SRSF7: variants seen among roughly 807,000 people sequenced by gnomAD.
SRSF7 encodes the protein serine/arginine-rich splicing factor 7.
A neutral mutation model predicts 42.2 loss-of-function variants in SRSF7; 15 were observed. The observed-to-expected ratio is 0.36, with a 90% CI of 0.24 to 0.55. The LOEUF (loss-of-function observed/expected upper bound fraction) is 0.55. SRSF7 is among the 20% of genes least tolerant of loss of function. SRSF7 has a pLI of 0.88. For missense variants in SRSF7, 181 were observed against 305.9 expected, an observed-to-expected ratio of 0.59 and a Z score of 3.04; for synonymous variants, 138 against 107.9, an observed-to-expected ratio of 1.28 and a Z score of -1.73.
chr2:38,746,861 T>C, intron 5 of SRSF7, 114 bp from the exon 6 acceptor site: 5 of 1,513,846 alleles, frequency 3.3e-6, no homozygotes, highest in East Asian at 2.3e-5. Context: ...CTAAACAAGA[T>C]GCAACACTTG....
chr2:38,748,020 C>T, intron 5 of SRSF7, 27 bp downstream of exon 5: 1 of 1,541,784 alleles, frequency 6.5e-7, no homozygotes, highest in Non-Finnish European at 9.0e-7. Context: ...AATCCAAACA[C>T]AAGTAAGGAA....
rs754818140 is a variant in SRSF7, at chr2:38,748,170, A to AC, written c.462-14dup. The AC allele has an allele frequency of 5.0e-6, 8 of 1,591,516 alleles. No homozygotes were observed. Among genetic ancestry groups the AC allele is most frequent in the Admixed American group, 1.8e-5 (1 of 56,854 alleles). The stretch of plus-strand genomic sequence containing the variant: ...TGCTGACCTTGACCTAAAATAAAGA[A>AC]CTTTAAGTCCATCTCCACAGTTTTT... On this transcript the variant is annotated splice_polypyrimidine_tract_variant and intron_variant, in intron 4 of 7. Transcript: ENST00000313117.
Position 38,751,340 on chromosome 2 carries a change from C to A in SRSF7, c.-84G>T. 10 of 1,593,438 alleles carry A rather than the reference C, an allele frequency of 6.3e-6. No individual in the cohort carries two copies. The highest frequency in any genetic ancestry group is 6.9e-6 in the Non-Finnish European group (8 of 1,163,802). The stretch of plus-strand genomic sequence containing the variant: ...AAAAGCTGACACACACCTTCACCCG[C>A]CAAGAGTCCCGGCGGCACTACGAGG... On this transcript the variant is annotated 5_prime_UTR_variant, in exon 1 of 8. Transcript: ENST00000313117.
intron 3 of SRSF7, 147 bp from the exon 4 acceptor site, chr2:38,748,800 A>G: frequency 1.0e-6 from 1 of 999,856 alleles, no homozygotes; most frequent in Non-Finnish European, 1.4e-6. Flanking sequence ...GTTGTTGAGT[A>G]TTTTTTTTTT....
At chr2:38,748,213 A>C in intron 4 of SRSF7, 56 bp from the exon 5 acceptor site, 1 of 1,362,246 alleles carries the variant, frequency 7.3e-7, no homozygotes, top group Non-Finnish European at 1.0e-6. Flanking sequence ...TTGGCCTGTT[A>C]AGACTTCAAC....
chr2:38,747,430 T>C (rs1299587558), intron 5 of SRSF7, among the ~76,000 whole-genome samples: 1 of 152,272 alleles, frequency 6.6e-6, no homozygotes, highest in Non-Finnish European at 1.5e-5. Context: ...CACGGTTTTA[T>C]CGTTGGTACA....
chr2:38,745,007 G>T lies in SRSF7; in HGVS notation c.*126C>A. The T allele has an allele frequency of 1.1e-6, 1 of 901,916 alleles. No individual in the cohort carries two copies. Among genetic ancestry groups the T allele is most frequent in the Non-Finnish European group, 1.7e-6 (1 of 588,974 alleles). The allele number at this position is 901,916 out of a possible 1,614,324, so 55.9% of individuals were successfully genotyped here. A position where few individuals can be genotyped will look rare whatever the true frequency, so the allele number is the denominator to read the frequency against. On this transcript the variant is annotated 3_prime_UTR_variant, in exon 8 of 8. Transcript: ENST00000313117. The stretch of plus-strand genomic sequence containing the variant: ...TATCTTACTGCTGTGAATTTACATA[G>T]TAATCCAGATCCATTTTGATTAGAT...
chr2:38,749,899 CTA>C, intron 2 of SRSF7, 113 bp downstream of exon 2: 1 of 1,314,150 alleles, frequency 7.6e-7, no homozygotes, highest in Non-Finnish European at 1.0e-6. Context: ...GCATTTAACA[CTA>C]TGACCAGCTA....
At chr2:38,746,858 A>T in intron 5 of SRSF7, 111 bp from the exon 6 acceptor site, 1 of 1,528,434 alleles carries the variant, frequency 6.5e-7, no homozygotes, top group Non-Finnish European at 8.8e-7. Flanking sequence ...AAACTAAACA[A>T]GATGCAACAC....
At position 38,750,035 on chromosome 2, in the gene SRSF7, G is replaced by C; in HGVS notation, c.188C>G (p.Ala63Gly). The change falls in exon 2 of 8, where the codon GCA (alanine) becomes GGA (glycine). Residue 63 changes from alanine (A) to glycine (G), a missense_variant. Transcript: ENST00000313117. Reference protein sequence around the residue: ...EFEDPRDAEDAVRGLDGKVIC... With the variant: ...EFEDPRDAEDGVRGLDGKVIC... ...TTACTTTCCATCCAGTCCTCGTACTGCATCTTCTGCATCTCTAGGATCTTC... is the reference window on the plus strand; with the variant it reads ...TTACTTTCCATCCAGTCCTCGTACTCCATCTTCTGCATCTCTAGGATCTTC... 6.2e-7 allele frequency: 1 copy of C among 1,612,468 alleles called. No individual in the cohort carries two copies. The highest frequency in any genetic ancestry group is 8.5e-7 in the Non-Finnish European group (1 of 1,179,496).
intron 7 of SRSF7, among the ~76,000 whole-genome samples, chr2:38,745,520 C>T (rs111491148): frequency 0.014 from 2,071 of 151,960 alleles, 41 homozygotes; most frequent in African/African-American, 0.047. Flanking sequence ...CCAGGCTTGG[C>T]GGTGGGTGCC....
At position 38,745,459 on chromosome 2, in the gene SRSF7, A is replaced by C. The variant is rs567621353; in HGVS notation, c.663-272T>G. Among the ~76,000 whole-genome samples, 342 of 150,584 alleles carry C rather than the reference A, an allele frequency of 2.3e-3. 1 individual carries two copies. The highest frequency in any genetic ancestry group is 4.2e-3 in the Non-Finnish European group (284 of 67,056). On this transcript the variant is annotated intron_variant, in intron 7 of 7. Coordinates refer to ENST00000313117, the MANE Select transcript of SRSF7 (RefSeq NM_001031684.3). The stretch of plus-strand genomic sequence containing the variant: ...ACCTAAGATCAGGAGTTTAAGACCA[A>C]CCTCGCCAACATGGTGAAACTCCGT...
In SRSF7 at chr2:38,744,680, G is replaced by A; in HGVS notation, c.*453C>T. ...TTCAGGCTGTATCATAAGGGACTCA[G>A]GTCATCTTACCCAGAGCTACAAGGG... is the stretch of plus-strand genomic sequence containing the variant. On this transcript the variant is annotated 3_prime_UTR_variant, in exon 8 of 8. Transcript: ENST00000313117. 6.1e-6 allele frequency: 1 copy of A among 163,142 alleles called. No homozygotes were observed. Among genetic ancestry groups the A allele is most frequent in the East Asian group, 1.7e-4 (1 of 5,790 alleles). The allele number at this position is 163,142 out of a possible 1,614,324, so 10.1% of individuals were successfully genotyped here. A position where few individuals can be genotyped will look rare whatever the true frequency, so the allele number is the denominator to read the frequency against.
intron 6 of SRSF7, 29 bp from the exon 7 acceptor site, chr2:38,746,208 G>T (rs199741275): frequency 6.2e-7 from 1 of 1,613,114 alleles, no homozygotes; most frequent in Non-Finnish European, 8.5e-7. Context: ...TTCTATTAAA[G>T]AAAGAGTACT....
At chr2:38,747,857 A>T (rs1427193257) in intron 5 of SRSF7, among the ~76,000 whole-genome samples, 190 bp downstream of exon 5, 1 of 152,218 alleles carries the variant, frequency 6.6e-6, no homozygotes, top group African/African-American at 2.4e-5. Flanking sequence ...ACAAGCCTTA[A>T]AATCTCTAGT....
intron 2 of SRSF7, 72 bp from the exon 3 acceptor site, chr2:38,749,777 T>A: frequency 1.4e-6 from 2 of 1,424,980 alleles, no homozygotes; most frequent in Non-Finnish European, 1.8e-6. Flanking sequence ...AAAAGAACTC[T>A]TTCCAACCAC....
chr2:38,751,451 G>A (rs1668355894), upstream of SRSF7: 13 of 697,024 alleles, frequency 1.9e-5, no homozygotes, highest in South Asian at 2.1e-4. Flanking sequence ...AAAGGAGCTG[G>A]GCGGAAACAG....
intron 3 of SRSF7, 122 bp from the exon 4 acceptor site, chr2:38,748,775 A>T: frequency 8.0e-7 from 1 of 1,253,806 alleles, no homozygotes; most frequent in African/African-American, 1.5e-5. Flanking sequence ...TTGGAAATAA[A>T]CTCTGGGCCT....
intron 4 of SRSF7, 88 bp downstream of exon 4, chr2:38,748,491 T>C (rs1667815957): frequency 7.3e-7 from 1 of 1,372,682 alleles, no homozygotes; most frequent in African/African-American, 1.4e-5. Context: ...AGACCCTGTC[T>C]CCAAAAAAAA....
Sources: allele counts gnomAD v4.1 joint callset (sites outside exome capture counted in the v4.1 genomes callset), GRCh38; gene constraint gnomAD v4.1.1; transcripts MANE v1.5; gene names NCBI Gene and HGNC (gene_info 2026-07-23, HGNC 2026-07-21).